LRP6: variants seen among roughly 807,000 people sequenced by gnomAD.
The protein encoded by LRP6 is LDL receptor related protein 6.
LRP6 carries 43 observed loss-of-function variants against 184.1 expected under a neutral mutation model. The ratio of observed to expected loss-of-function variants is 0.23; its 90% CI spans 0.18 to 0.30. The LOEUF is 0.30. LRP6 is among the 10% of genes least tolerant of loss of function. The pLI, the probability that LRP6 is intolerant of heterozygous loss-of-function variation, is 1.00. For missense variants in LRP6, 1,571 were observed against 2,005.3 expected, an observed-to-expected ratio of 0.78 and a Z score of 4.14; for synonymous variants, 719 against 684.9, an observed-to-expected ratio of 1.05 and a Z score of -0.78.
chr12:12,259,555 TAA>T (rs539433251), intron 1 of LRP6, among the ~76,000 whole-genome samples: 8 of 152,238 alleles, frequency 5.3e-5, no homozygotes, highest in East Asian at 3.9e-4. Context: ...AAGCACATTT[TAA>T]AAGTTTCTAG....
intron 2 of LRP6, among the ~76,000 whole-genome samples, chr12:12,244,010 G>A (rs1267543677): frequency 2.0e-5 from 3 of 152,244 alleles, no homozygotes; most frequent in African/African-American, 7.2e-5. Flanking sequence ...CTTCAGCCTG[G>A]GAGGCTGACA....
chr12:12,175,563 T>C (rs1863155925), intron 7 of LRP6, among the ~76,000 whole-genome samples: 1 of 151,346 alleles, frequency 6.6e-6, no homozygotes, highest in African/African-American at 2.4e-5. Flanking sequence ...AGCAGACGCC[T>C]GTAGTCCCAG....
intron 7 of LRP6, among the ~76,000 whole-genome samples, chr12:12,171,150 G>C (rs939909110): frequency 6.6e-6 from 1 of 152,150 alleles, no homozygotes; most frequent in African/African-American, 2.4e-5. Flanking sequence ...TTTAAAAAAT[G>C]AAGAGAAAAA....
intron 15 of LRP6, chr12:12,138,789 GAACTT>G (rs138757341): frequency 0.054 from 79,732 of 1,466,284 alleles, 2,473 homozygotes; most frequent in Middle Eastern, 0.086. Context: ...ATGTAGAAAA[GAACTT>G]AGAACAGTAG....
chr12:12,236,927 G>A (rs1014379588), intron 2 of LRP6, among the ~76,000 whole-genome samples: 3 of 150,924 alleles, frequency 2.0e-5, no homozygotes, highest in Non-Finnish European at 4.4e-5. Flanking sequence ...TTTTTTTTGA[G>A]GCTTTTTATA....
chr12:12,149,200 T>G (rs2136915378), intron 13 of LRP6, 47 bp from the exon 14 acceptor site: 2 of 1,477,606 alleles, frequency 1.4e-6, no homozygotes, highest in East Asian at 2.3e-5. Flanking sequence ...CAGGGGCAGA[T>G]AACCCTGAGG....
At position 12,121,416 on chromosome 12, in the gene LRP6, T is replaced by C. The variant is rs747967194; in HGVS notation, c.4552A>G (p.Arg1518Gly). 9 of 1,614,006 alleles carry C rather than the reference T, an allele frequency of 5.6e-6. No homozygotes were observed. The highest frequency in any genetic ancestry group is 7.6e-6 in the Non-Finnish European group (9 of 1,179,932). ...SPSTHRSYSYRPYSYRHFAPP... is the reference protein window; with the variant it reads ...SPSTHRSYSYGPYSYRHFAPP... Reference sequence around the variant, plus strand: ...GCAAAGTGCCGGTAGCTATATGGCCTGTAGCTGGTATAGGGAGAAAATAAA... The same window carrying C: ...GCAAAGTGCCGGTAGCTATATGGCCCGTAGCTGGTATAGGGAGAAAATAAA... Residue 1518 changes from arginine (R) to glycine (G), a missense_variant, in exon 23 of 23, where the codon AGG becomes GGG. Transcript: ENST00000261349.
In LRP6 at chr12:12,181,164, A is replaced by G. The variant is rs200373003; in HGVS notation, c.1252T>C (p.Tyr418His). 8.1e-5 allele frequency: 131 copies of G among 1,614,158 alleles called. No individual in the cohort carries two copies. In the East Asian group the frequency reaches 2.7e-3, roughly 33 times the overall value. The change falls in exon 6 of 23, where the codon TAT becomes CAT. Residue 418 changes from tyrosine (Y) to histidine (H), a missense_variant. Coordinates refer to ENST00000261349, the MANE Select transcript of LRP6 (RefSeq NM_002336.3). ...IAVDWVARNLYWTDTGTDRIE... is the reference protein window; with the variant it reads ...IAVDWVARNLHWTDTGTDRIE... ...CGATCAGTGCCAGTGTCTGTCCAATAAAGATTTCGTGCAACCCAGTCCACA... is the reference window on the plus strand; with the variant it reads ...CGATCAGTGCCAGTGTCTGTCCAATGAAGATTTCGTGCAACCCAGTCCACA...
chr12:12,177,234 C>T (rs1249315008), intron 7 of LRP6, among the ~76,000 whole-genome samples: 1 of 152,122 alleles, frequency 6.6e-6, no homozygotes, highest in African/African-American at 2.4e-5. Context: ...CGAAAAGCAG[C>T]TTTCATTCTC....
intron 12 of LRP6, among the ~76,000 whole-genome samples, chr12:12,157,469 T>G (rs1389704147): frequency 6.6e-6 from 1 of 152,182 alleles, no homozygotes; most frequent in East Asian, 1.9e-4. Flanking sequence ...CAATTACTAT[T>G]ATTATTCCAA....
intron 1 of LRP6, 30 bp downstream of exon 1, chr12:12,266,651 C>T: frequency 6.2e-7 from 1 of 1,607,894 alleles, no homozygotes; most frequent in African/African-American, 1.3e-5. Context: ...CCGAACCCCA[C>T]CAACTTTCCA....
chr12:12,247,360 T>C (rs533711673), intron 1 of LRP6, among the ~76,000 whole-genome samples: 5 of 152,234 alleles, frequency 3.3e-5, no homozygotes, highest in Non-Finnish European at 7.3e-5. Flanking sequence ...CAAATGTCTT[T>C]CATTGCTTTC....
chr12:12,208,118 T>G (rs1158353238), intron 2 of LRP6, among the ~76,000 whole-genome samples: 1 of 152,222 alleles, frequency 6.6e-6, no homozygotes, highest in Non-Finnish European at 1.5e-5. Flanking sequence ...TACTTATCAA[T>G]GTCAAGGATG....
intron 6 of LRP6, 150 bp downstream of exon 6, chr12:12,180,893 A>G (rs960133258): frequency 2.1e-5 from 17 of 802,356 alleles, no homozygotes; most frequent in Non-Finnish European, 3.4e-5. Context: ...TTGAGATTGT[A>G]TTCTAATCAC....
intron 2 of LRP6, among the ~76,000 whole-genome samples, chr12:12,227,520 G>A (rs550543844): frequency 3.3e-5 from 5 of 150,996 alleles, no homozygotes; most frequent in Admixed American, 3.3e-4. Context: ...CGATTTTCCT[G>A]CCTCAGTCTC....
chr12:12,127,882 C>A (rs918568507), intron 19 of LRP6, among the ~76,000 whole-genome samples: 1 of 152,146 alleles, frequency 6.6e-6, no homozygotes, highest in Non-Finnish European at 1.5e-5. Context: ...GTGAAAATGA[C>A]ATCTCTAAGT....
At chr12:12,252,699 T>C (rs2135932755) in intron 1 of LRP6, among the ~76,000 whole-genome samples, 1 of 152,290 alleles carries the variant, frequency 6.6e-6, no homozygotes, top group Non-Finnish European at 1.5e-5. Flanking sequence ...ATCTTCTAGG[T>C]TGGCTAATGG....
chr12:12,159,068 C>T lies in LRP6; in HGVS notation c.2552G>A (p.Ser851Asn). 3.7e-6 allele frequency: 6 copies of T among 1,614,158 alleles called. No individual in the cohort carries two copies. The highest frequency in any genetic ancestry group is 5.1e-6 in the Non-Finnish European group (6 of 1,180,028). Residue 851 changes from serine (S) to asparagine (N), a missense_variant, in exon 12 of 23, where the codon AGC (serine) becomes AAC (asparagine). Transcript: ENST00000261349. ...YQDYIYWTDW[S>N]RRSIERANKT... Reference sequence around the variant, plus strand: ...GTTGGCACGCTCAATGCTGCGTCGGCTCCAGTCCGTCCAGTAGATATAATC... The same window carrying T: ...GTTGGCACGCTCAATGCTGCGTCGGTTCCAGTCCGTCCAGTAGATATAATC...
chr12:12,206,690 C>CT (rs1397766152), intron 2 of LRP6, among the ~76,000 whole-genome samples: 2 of 151,994 alleles, frequency 1.3e-5, no homozygotes, highest in African/African-American at 4.8e-5. Context: ...GGAGGACTGT[C>CT]TGAGTCCAGG....
Sources: allele counts gnomAD v4.1 joint callset (sites outside exome capture counted in the v4.1 genomes callset), GRCh38; gene constraint gnomAD v4.1.1; transcripts MANE v1.5; gene names NCBI Gene and HGNC (gene_info 2026-07-23, HGNC 2026-07-21).